Variants in N4BP1 observed in about 807,000 individuals in gnomAD.
N4BP1 encodes NEDD4 binding protein 1.
N4BP1 carries 21 observed loss-of-function variants against 70.9 expected under a neutral mutation model. The observed-to-expected ratio is 0.30, with a 90% CI of 0.21 to 0.43. The LOEUF (loss-of-function observed/expected upper bound fraction) is 0.43. Ranked by LOEUF, N4BP1 falls within the 20% of genes least tolerant of loss-of-function variation. The probability of loss-of-function intolerance (pLI) is 1.00; values close to 1 mark genes in which losing one functional copy is unlikely to be tolerated. For missense variants in N4BP1, 936 were observed against 1,069.4 expected, an observed-to-expected ratio of 0.88 and a Z score of 1.74; for synonymous variants, 387 against 394.6, an observed-to-expected ratio of 0.98 and a Z score of 0.23.
rs753620752 is a variant in N4BP1 at position 48,551,453 on chromosome 16, G to C, written c.2050C>G (p.Leu684Val). ...GCAGGAGTTAAAGATAATATTCCGA[G>C]CTCCTGGAGCTGGGTTAAGAAGTGC... ...EQHFLTQLQELGILSLTPARM... is the reference protein window; with the variant it reads ...EQHFLTQLQEVGILSLTPARM... Residue 684 changes from leucine (L) to valine (V), a missense_variant, in exon 4 of 7, where the codon CTC becomes GTC. By Grantham distance (32) the Leu-to-Val change is conservative. Transcript: ENST00000262384. The C allele has an allele frequency of 1.9e-6, 3 of 1,613,444 alleles. No homozygotes were observed. The highest frequency in any genetic ancestry group is 2.5e-6 in the Non-Finnish European group (3 of 1,179,500).
intron 1 of N4BP1, among the ~76,000 whole-genome samples, chr16:48,566,534 G>A (rs1963946244): frequency 6.6e-6 from 1 of 152,154 alleles, no homozygotes; most frequent in South Asian, 2.1e-4. Flanking sequence ...CTATCCTTCT[G>A]TTGGTGATTT....
intron 2 of N4BP1, among the ~76,000 whole-genome samples, chr16:48,555,460 C>T (rs572771439): frequency 3.9e-5 from 6 of 152,322 alleles, no homozygotes; most frequent in South Asian, 2.1e-4. Context: ...ACAAGAGCTA[C>T]GCACAGACTC....
rs1964445368 is a variant in N4BP1, at chr16:48,598,135, C to A, written c.198+11640G>T. On this transcript the variant is annotated intron_variant, in intron 1 of 6. Coordinates refer to ENST00000262384, the MANE Select transcript of N4BP1 (RefSeq NM_153029.4). ...CTGGCTTTAAAATGACTGGGACACT[C>A]GTTCAGCAAATATGCCTGCTTCCCA... 2.0e-5 allele frequency among the ~76,000 whole-genome samples: 3 copies of A among 152,330 alleles called. No homozygotes were observed. In the South Asian group the frequency reaches 6.2e-4, roughly 32 times the overall value.
intron 1 of N4BP1, among the ~76,000 whole-genome samples, chr16:48,576,711 T>A (rs1367875809): frequency 6.6e-6 from 1 of 152,160 alleles, no homozygotes; most frequent in African/African-American, 2.4e-5. Flanking sequence ...CTTTCATGAC[T>A]TCCTTCTCCT....
chr16:48,546,076 C>A, intron 6 of N4BP1, 71 bp downstream of exon 6: 2 of 925,354 alleles, frequency 2.2e-6, no homozygotes, highest in South Asian at 1.6e-5. Context: ...TCTATAAAGA[C>A]AGCACTTGCA....
chr16:48,583,278 T>C (rs2151096443), intron 1 of N4BP1, among the ~76,000 whole-genome samples: 1 of 152,116 alleles, frequency 6.6e-6, no homozygotes, highest in East Asian at 1.9e-4. Context: ...TAGATAAACC[T>C]GAAAACATGA....
In N4BP1 at chr16:48,610,014, G is replaced by T. The variant is rs1167323590; in HGVS notation, c.-42C>A. The T allele has an allele frequency of 6.0e-5, 65 of 1,077,380 alleles. No homozygotes were observed. Among genetic ancestry groups the T allele is most frequent in the Non-Finnish European group, 7.1e-5 (63 of 884,098 alleles). The allele number at this position is 1,077,380 out of a possible 1,614,324, so 66.7% of individuals were successfully genotyped here. On this transcript the variant is annotated 5_prime_UTR_variant, in exon 1 of 7. Coordinates refer to ENST00000262384, the MANE Select transcript of N4BP1 (RefSeq NM_153029.4). The stretch of plus-strand genomic sequence containing the variant: ...CGCGGCGGCGCCGGGGGCCGGCGGC[G>T]GCGACGCCCCCTCAGCTTGCTGCCG...
At position 48,543,009 on chromosome 16, in the gene N4BP1, C is replaced by T; in HGVS notation, c.2586G>A (p.Leu862=). The change falls in exon 7 of 7, where the codon CTG becomes CTA. Residue 862 remains leucine, a synonymous_variant. Coordinates refer to ENST00000262384, the MANE Select transcript of N4BP1 (RefSeq NM_153029.4). ...TTTGCTCTGAGTCAGGGAAGATCTT[C>T]AGAAGGGCTTCCCTCAGCTCGTTGG... ...AETNELREAL[L]KIFPDSEQRL... is the part of the protein sequence containing the mutation. The T allele has an allele frequency of 6.2e-7, 1 of 1,614,042 alleles. No homozygotes were observed. Among genetic ancestry groups the T allele is most frequent in the South Asian group, 1.1e-5 (1 of 91,076 alleles).
intron 2 of N4BP1, among the ~76,000 whole-genome samples, chr16:48,555,707 C>T (rs560779175): frequency 3.9e-5 from 6 of 152,174 alleles, no homozygotes; most frequent in African/African-American, 1.2e-4. Flanking sequence ...AACAATAAAT[C>T]ATCCATCACT....
chr16:48,596,412 A>G (rs2151100827), intron 1 of N4BP1, among the ~76,000 whole-genome samples: 1 of 152,294 alleles, frequency 6.6e-6, no homozygotes, highest in African/African-American at 2.4e-5. Context: ...ACAGCTGCAA[A>G]GCAGTTCCAC....
chr16:48,580,833 T>C (rs1292372872), intron 1 of N4BP1, among the ~76,000 whole-genome samples: 1 of 152,162 alleles, frequency 6.6e-6, no homozygotes, highest in Non-Finnish European at 1.5e-5. Flanking sequence ...AATATAACTA[T>C]TTATATCACA....
At chr16:48,550,115 T>G (rs1963644385) in intron 4 of N4BP1, among the ~76,000 whole-genome samples, 1 of 152,222 alleles carries the variant, frequency 6.6e-6, no homozygotes, top group African/African-American at 2.4e-5. Context: ...TGCACACGTC[T>G]TCTCAAAATT....
rs556981007 is a variant in N4BP1, at chr16:48,561,320, T to G, written c.1323A>C (p.Lys441Asn). 1.1e-5 allele frequency: 18 copies of G among 1,613,800 alleles called. No homozygotes were observed. In the African/African-American group the frequency reaches 2.1e-4, roughly 19 times the overall value. The change falls in exon 2 of 7, where the codon AAA becomes AAC. Residue 441 changes from lysine to asparagine, a missense_variant. By Grantham distance (94) the Lys-to-Asn change is moderately conservative (BLOSUM62 0). Transcript: ENST00000262384. ...CCACTTTGAATGGTAACTGAGAAAATTTTTCTACCATATTTTGCTGTGTGT... is the reference window on the plus strand; with the variant it reads ...CCACTTTGAATGGTAACTGAGAAAAGTTTTCTACCATATTTTGCTGTGTGT... ...QAHTQQNMVE[K>N]FSQLPFKVEA...
intron 1 of N4BP1, among the ~76,000 whole-genome samples, chr16:48,607,625 C>T (rs1023395590): frequency 6.6e-6 from 1 of 152,010 alleles, no homozygotes; most frequent in Non-Finnish European, 1.5e-5. Flanking sequence ...AAGTCTTAAC[C>T]GCAGCAAAGG....
Position 48,560,772 on chromosome 16 carries a change from C to T in N4BP1, c.1871G>A (p.Gly624Glu), listed in dbSNP as rs1376455025. The T allele has an allele frequency of 6.2e-7, 1 of 1,603,448 alleles. No individual in the cohort carries two copies. ...GACTTACGTAATTGCAACATTGCTC[C>T]CATCTATAACAATGTGTTTCAAATC... is the stretch of plus-strand genomic sequence containing the variant. ...RTDLKHIVID[G>E]SNVAITHGLK... The change falls in exon 2 of 7, where the codon GGG becomes GAG. Residue 624 changes from glycine (G) to glutamate (E), a missense_variant. Transcript: ENST00000262384.
chr16:48,562,153 C>G lies in N4BP1; in HGVS notation c.490G>C (p.Val164Leu). 1 of 1,613,962 alleles carries G rather than the reference C, an allele frequency of 6.2e-7. No homozygotes were observed. The highest frequency in any genetic ancestry group is 1.6e-4 in the Middle Eastern group (1 of 6,062). The change falls in exon 2 of 7, where the codon GTT becomes CTT. Residue 164 changes from valine to leucine, a missense_variant. This residue lies in a region of N4BP1 where 187 missense variants were observed against 217.1 expected (regional missense o/e 0.86). Transcript: ENST00000262384. ...GTGTAATTGTCTGCATGGGCTTCAA[C>G]AAATTGTTTGAATTCCCTTTTCACC... ...SEVKREFKQF[V>L]EAHADNYTMD...
chr16:48,579,102 C>T (rs1964140951), intron 1 of N4BP1, among the ~76,000 whole-genome samples: 1 of 152,112 alleles, frequency 6.6e-6, no homozygotes, highest in Admixed American at 6.5e-5. Flanking sequence ...AGAAAAGCTA[C>T]TAAATATCCT....
chr16:48,548,255 C>T, intron 4 of N4BP1, 141 bp from the exon 5 acceptor site: 1 of 601,862 alleles, frequency 1.7e-6, no homozygotes, highest in Non-Finnish European at 3.0e-6. Context: ...AAAGTTTAGC[C>T]CCTATCAACT....
In N4BP1 at chr16:48,561,806, C is replaced by G; in HGVS notation, c.837G>C (p.Glu279Asp). ...AAAATCTCCTTTTCTGACAAATTCTCTCATTGGAAAGTGCCTCTTCATCTG... is the reference window on the plus strand; with the variant it reads ...AAAATCTCCTTTTCTGACAAATTCTGTCATTGGAAAGTGCCTCTTCATCTG... ...LTPDEEALSN[E>D]RICQKRRFSD... Residue 279 changes from glutamate (E) to aspartate (D), a missense_variant, in exon 2 of 7, where the codon GAG (glutamate) becomes GAC (aspartate). Glu to Asp is a conservative substitution (Grantham distance 45). Around this residue, in one of 4 missense-constraint regions of N4BP1, gnomAD observed 515 missense variants for 491.7 expected, o/e 1.05. Transcript: ENST00000262384. 2 of 1,613,588 alleles carry G rather than the reference C, an allele frequency of 1.2e-6. No individual in the cohort carries two copies. The highest frequency in any genetic ancestry group is 1.6e-4 in the Middle Eastern group (1 of 6,062).
Sources: allele counts gnomAD v4.1 joint callset (sites outside exome capture counted in the v4.1 genomes callset), GRCh38; gene constraint gnomAD v4.1.1; regional missense constraint gnomAD v4.1.1; transcripts MANE v1.5; gene names NCBI Gene and HGNC (gene_info 2026-07-23, HGNC 2026-07-21).